Variants in MAP3K20 observed in about 807,000 individuals in gnomAD.
MAP3K20 encodes mitogen-activated protein kinase kinase kinase 20.
MAP3K20 carries 40 observed loss-of-function variants against 85.7 expected under a neutral mutation model. The observed-to-expected ratio is 0.47, with a 90% CI of 0.36 to 0.61. The LOEUF (loss-of-function observed/expected upper bound fraction) is 0.61. Among genes scored for constraint, MAP3K20 ranks in the 20% least tolerant of loss-of-function variants. The probability of loss-of-function intolerance (pLI) is 0.00; values close to 1 mark genes in which losing one functional copy is unlikely to be tolerated. For synonymous variants in MAP3K20, 325 were observed against 327.7 expected (o/e 0.99, Z 0.09); for missense variants, 817 against 961.7 (o/e 0.85, Z 1.99).
intron 2 of MAP3K20, among the ~76,000 whole-genome samples, chr2:173,128,312 CTTATTTATTTATTTAT>C (rs59187122): frequency 4.1e-5 from 6 of 145,926 alleles, no homozygotes; most frequent in South Asian, 2.2e-4. Flanking sequence ...TTATAGTTGA[CTTATTTATTTATTTAT>C]TTATTTATTT....
intron 3 of MAP3K20, among the ~76,000 whole-genome samples, chr2:173,173,274 T>C (rs17710437): frequency 0.16 from 23,775 of 151,580 alleles, 2,292 homozygotes; most frequent in South Asian, 0.33. Context: ...TACCAGACCA[T>C]GTAGCTCTTT....
Position 173,229,722 on chromosome 2 carries a change from G to T in MAP3K20, c.1021G>T (p.Glu341Ter). Residue 341 changes from glutamate to a stop codon, truncating the protein, a stop_gained, in exon 12 of 20, where the codon GAA becomes TAA. Transcript: ENST00000375213. LOFTEE classifies it high-confidence loss of function. Reference protein sequence around the residue: ...LPSFEIGAWTEDDVYCWVQQL... With the variant: ...LPSFEIGAWT ...TTCCTTTGAGATTGGTGCATGGACG[G>T]AAGACGATGTGGTAAGCTCTTTGTA... 3 of 1,614,072 alleles carry T rather than the reference G, an allele frequency of 1.9e-6. No individual in the cohort carries two copies. The highest frequency in any genetic ancestry group is 2.5e-6 in the Non-Finnish European group (3 of 1,180,004).
intron 2 of MAP3K20, among the ~76,000 whole-genome samples, chr2:173,105,042 T>C: frequency 6.6e-6 from 1 of 152,174 alleles, no homozygotes; most frequent in East Asian, 1.9e-4. Flanking sequence ...TTGGACCTTG[T>C]AGGCAATTAT....
At chr2:173,084,401 G>A (rs1256333564) in intron 1 of MAP3K20, among the ~76,000 whole-genome samples, 2 of 141,912 alleles carry the variant, frequency 1.4e-5, no homozygotes, top group Non-Finnish European at 3.0e-5. Context: ...ATAGATCTTA[G>A]CAATGCTAAT....
chr2:173,223,973 C>T, intron 11 of MAP3K20: 1 of 985,438 alleles, frequency 1.0e-6, no homozygotes, highest in Non-Finnish European at 1.2e-6. Flanking sequence ...GATAGTCATT[C>T]ATTCAACACA....
intron 1 of MAP3K20, among the ~76,000 whole-genome samples, chr2:173,088,744 G>A (rs11675729): frequency 0.026 from 3,916 of 152,254 alleles, 77 homozygotes; most frequent in Non-Finnish European, 0.038. Flanking sequence ...TTTTTAGCTT[G>A]CATACTCTAT....
chr2:173,077,321 TG>T (rs1686891670), intron 1 of MAP3K20, among the ~76,000 whole-genome samples: 1 of 150,086 alleles, frequency 6.7e-6, no homozygotes, highest in Admixed American at 6.7e-5. Context: ...GGCTAGTTAA[TG>T]TCCTCTTTGT....
intron 2 of MAP3K20, among the ~76,000 whole-genome samples, chr2:173,099,360 C>A (rs1375892201): frequency 7.1e-6 from 1 of 140,664 alleles, no homozygotes; most frequent in African/African-American, 2.7e-5. Context: ...GACAGGGTCT[C>A]CCTCTGTCCC....
chr2:173,254,243 A>C (rs1341570591), intron 16 of MAP3K20, among the ~76,000 whole-genome samples: 1 of 145,354 alleles, frequency 6.9e-6, no homozygotes, highest in East Asian at 2.0e-4. Context: ...GTGAAACCCC[A>C]TCTCTCCTAA....
At chr2:173,210,049 A>G in intron 10 of MAP3K20, 1 of 551,262 alleles carries the variant, frequency 1.8e-6, no homozygotes, top group Admixed American at 3.2e-5. Context: ...GCCTTGTGTA[A>G]GTATTTGAAA....
intron 11 of MAP3K20, chr2:173,226,122 T>G (rs560485268): frequency 5.0e-4 from 488 of 984,892 alleles, no homozygotes; most frequent in Non-Finnish European, 5.6e-4. Flanking sequence ...GTGCAGTGAA[T>G]TTGTTAGACT....
Position 173,263,835 on chromosome 2 carries a change from C to A in MAP3K20, c.1642C>A (p.Leu548Ile). 6.2e-7 allele frequency: 1 copy of A among 1,613,592 alleles called. No individual in the cohort carries two copies. The highest frequency in any genetic ancestry group is 2.2e-5 in the East Asian group (1 of 44,854). ...TCAGGATGAAGTGAAAGCAGTCCAA[C>A]TTGCCATTCAGACATTATTCACCAA... ...KPQDEVKAVQ[L>I]AIQTLFTNSD... The change falls in exon 19 of 20, where the codon CTT (leucine) becomes ATT (isoleucine). Residue 548 changes from leucine (L) to isoleucine (I), a missense_variant. Physicochemically the swap from Leu to Ile is conservative, Grantham distance 5 (BLOSUM62 2). Coordinates refer to ENST00000375213, the MANE Select transcript of MAP3K20 (RefSeq NM_016653.3).
chr2:173,220,885 C>G (rs113087136), intron 11 of MAP3K20, among the ~76,000 whole-genome samples: 1,815 of 152,230 alleles, frequency 0.012, 25 homozygotes, highest in South Asian at 0.039. Flanking sequence ...TTAAAACTTG[C>G]AACTTCTTTT....
Position 173,266,782 on chromosome 2 carries a change from T to A in MAP3K20, c.*32T>A. On this transcript the variant is annotated 3_prime_UTR_variant, in exon 20 of 20. Coordinates refer to ENST00000375213, the MANE Select transcript of MAP3K20 (RefSeq NM_016653.3). Reference sequence around the variant, plus strand: ...GAACTACATAGCTTTTCTAAGCAGGTTAAAAAAAAAAAAAAAAAGAAATGT... The same window carrying A: ...GAACTACATAGCTTTTCTAAGCAGGATAAAAAAAAAAAAAAAAAGAAATGT... 1.1e-6 allele frequency: 1 copy of A among 871,160 alleles called. No homozygotes were observed. Among genetic ancestry groups the A allele is most frequent in the Non-Finnish European group, 1.5e-6 (1 of 645,788 alleles). 54.0% of individuals were successfully genotyped at this position (871,160 alleles called of 1,614,324 possible). A position where few individuals can be genotyped will look rare whatever the true frequency, so the allele number is the denominator to read the frequency against.
intron 2 of MAP3K20, among the ~76,000 whole-genome samples, chr2:173,128,879 A>G: frequency 6.6e-6 from 1 of 151,728 alleles, no homozygotes; most frequent in Admixed American, 6.6e-5. Flanking sequence ...TGCTCCTTCA[A>G]GGAACCAAAA....
chr2:173,147,748 G>A (rs1480283508), intron 2 of MAP3K20, among the ~76,000 whole-genome samples: 7 of 151,934 alleles, frequency 4.6e-5, no homozygotes, highest in Admixed American at 4.6e-4. Flanking sequence ...CACCACGCCC[G>A]GCTAATTTTT....
chr2:173,162,196 C>A (rs1404637539), intron 2 of MAP3K20, among the ~76,000 whole-genome samples: 2 of 152,112 alleles, frequency 1.3e-5, no homozygotes, highest in African/African-American at 4.8e-5. Context: ...AATGTAGGAT[C>A]ATCTCCTATA....
At chr2:173,182,766 T>G in intron 3 of MAP3K20, 88 bp from the exon 4 acceptor site, 1 of 927,332 alleles carries the variant, frequency 1.1e-6, no homozygotes, top group Non-Finnish European at 1.5e-6. Context: ...TTAAATTCTT[T>G]AATGTATTTT....
At position 173,110,430 on chromosome 2, in the gene MAP3K20, AT is replaced by A. The variant is rs576195326; in HGVS notation, c.159+19247del. Among the ~76,000 whole-genome samples, 7 of 149,792 alleles carry A rather than the reference AT, an allele frequency of 4.7e-5. No individual in the cohort carries two copies. The East Asian group carries it at 1.4e-3, about 29-fold the overall frequency. ...CACCATGCCTGGCTAATTAAAAAAA[AT>A]TTTTTTCCATAAGTTATTGGGGTAC... is the stretch of plus-strand genomic sequence containing the variant. On this transcript the variant is annotated intron_variant, in intron 2 of 19. Transcript: ENST00000375213.
Sources: gnomAD v4.1 joint callset for allele counts (sites outside exome capture counted in the v4.1 genomes callset) on GRCh38, gnomAD v4.1.1 for gene constraint, MANE v1.5 for transcripts, NCBI Gene and HGNC (gene_info 2026-07-23, HGNC 2026-07-21) for gene names.